The following NUDT3 variants were observed in gnomAD, a reference collection of about 807,000 sequenced individuals.
NUDT3 encodes the protein nudix hydrolase 3.
In NUDT3, 9 loss-of-function variants were observed where a neutral mutation model predicts 23.6. The observed-to-expected ratio is 0.38, with a 90% confidence interval of 0.23 to 0.66. NUDT3 has a LOEUF of 0.66. NUDT3 is among the 30% of genes least tolerant of loss of function. The probability of loss-of-function intolerance (pLI) is 0.52; values close to 1 mark genes in which losing one functional copy is unlikely to be tolerated. For synonymous variants in NUDT3, 86 were observed against 82.6 expected, an observed-to-expected ratio of 1.04 and a Z score of -0.22; for missense variants, 172 against 218.5, an observed-to-expected ratio of 0.79 and a Z score of 1.34.
At chr6:34,306,748 G>A (rs191354887) in intron 2 of NUDT3, among the ~76,000 whole-genome samples, 2 of 152,246 alleles carry the variant, frequency 1.3e-5, no homozygotes, top group Admixed American at 6.5e-5. Context: ...ATTTGTCAAT[G>A]GGTACCATTC....
chr6:34,369,611 T>C (rs1764796413), intron 1 of NUDT3, among the ~76,000 whole-genome samples: 1 of 152,194 alleles, frequency 6.6e-6, no homozygotes, highest in East Asian at 1.9e-4. Context: ...GATGTGACAG[T>C]GTGTGACTTA....
intron 2 of NUDT3, among the ~76,000 whole-genome samples, chr6:34,304,273 A>C (rs892002178): frequency 2.0e-5 from 3 of 149,048 alleles, no homozygotes; most frequent in African/African-American, 7.4e-5. Context: ...AAAAAAAAAG[A>C]AAGTTTGCTA....
chr6:34,293,072 T>C (rs1763447649), intron 4 of NUDT3, among the ~76,000 whole-genome samples: 1 of 152,186 alleles, frequency 6.6e-6, no homozygotes, highest in South Asian at 2.1e-4. Context: ...TGTTTTTTTG[T>C]TTGTTTTTGA....
intron 2 of NUDT3, among the ~76,000 whole-genome samples, chr6:34,323,753 G>A (rs143012922): frequency 1.2e-3 from 182 of 152,218 alleles, no homozygotes; most frequent in African/African-American, 4.1e-3. Context: ...AAGATAAAGC[G>A]AGTACGCAAA....
intron 2 of NUDT3, among the ~76,000 whole-genome samples, chr6:34,309,809 A>G (rs1277775001): frequency 6.6e-6 from 1 of 152,214 alleles, no homozygotes; most frequent in Non-Finnish European, 1.5e-5. Context: ...GAAAACTATG[A>G]ACAACCCTGT....
intron 4 of NUDT3, among the ~76,000 whole-genome samples, chr6:34,290,783 T>C (rs566928054): frequency 2.0e-5 from 3 of 148,848 alleles, no homozygotes; most frequent in Admixed American, 6.8e-5. Flanking sequence ...TGGACATCAA[T>C]TGTCTGTGAT....
At chr6:34,361,513 C>T (rs1764650076) in intron 1 of NUDT3, among the ~76,000 whole-genome samples, 2 of 152,180 alleles carry the variant, frequency 1.3e-5, no homozygotes, top group African/African-American at 4.8e-5. Context: ...ATAACACAAT[C>T]ATACTTCTTG....
At chr6:34,295,547 A>AT in intron 3 of NUDT3, 94 bp downstream of exon 3, 2 of 1,459,532 alleles carry the variant, frequency 1.4e-6, no homozygotes, top group Non-Finnish European at 1.9e-6. Flanking sequence ...AAAAAAAAAA[A>AT]AACTCGCTGA....
At chr6:34,326,789 C>A (rs1452286796) in intron 2 of NUDT3, among the ~76,000 whole-genome samples, 3 of 152,042 alleles carry the variant, frequency 2.0e-5, no homozygotes, top group South Asian at 4.1e-4. Context: ...TTAGTAGAGA[C>A]AGGGTTTCAC....
intron 1 of NUDT3, among the ~76,000 whole-genome samples, chr6:34,357,546 T>A (rs1386142427): frequency 6.6e-6 from 1 of 150,970 alleles, no homozygotes; most frequent in East Asian, 1.9e-4. Flanking sequence ...CCTGGGAGGC[T>A]GAGGCTGCAA....
chr6:34,363,822 G>A (rs557806307), intron 1 of NUDT3, among the ~76,000 whole-genome samples: 1 of 151,436 alleles, frequency 6.6e-6, no homozygotes, highest in Non-Finnish European at 1.5e-5. Flanking sequence ...ACCCAGGCTG[G>A]AGTGCAGTAG....
At chr6:34,314,390 TAAAAAAAA>T (rs5875502) in intron 2 of NUDT3, among the ~76,000 whole-genome samples, 2 of 123,970 alleles carry the variant, frequency 1.6e-5, no homozygotes, top group African/African-American at 5.8e-5. Flanking sequence ...CTGTCTCTAC[TAAAAAAAA>T]AAAAAAAAAA....
At chr6:34,310,713 A>T (rs1474201157) in intron 2 of NUDT3, among the ~76,000 whole-genome samples, 1 of 152,242 alleles carries the variant, frequency 6.6e-6, no homozygotes, top group African/African-American at 2.4e-5. Flanking sequence ...CGTTACCCTC[A>T]TACCAAAACA....
chr6:34,304,813 T>C (rs1335621996), intron 2 of NUDT3, among the ~76,000 whole-genome samples: 2 of 150,086 alleles, frequency 1.3e-5, no homozygotes, highest in South Asian at 2.1e-4. Flanking sequence ...GGGTGCACCA[T>C]CATGCCCAGC....
chr6:34,311,026 A>G (rs1039557237), intron 2 of NUDT3, among the ~76,000 whole-genome samples: 4 of 152,046 alleles, frequency 2.6e-5, no homozygotes, highest in Admixed American at 2.6e-4. Flanking sequence ...AACTAGGAAC[A>G]GAGGAAGACT....
chr6:34,313,226 G>A (rs1259753572), intron 2 of NUDT3, among the ~76,000 whole-genome samples: 3 of 152,006 alleles, frequency 2.0e-5, no homozygotes, highest in African/African-American at 4.8e-5. Flanking sequence ...TCTTAAATGC[G>A]TATTACTAAG....
At chr6:34,372,945 G>C (rs1187435099) in intron 1 of NUDT3, among the ~76,000 whole-genome samples, 1 of 149,042 alleles carries the variant, frequency 6.7e-6, no homozygotes, top group Non-Finnish European at 1.5e-5. Flanking sequence ...CACTAAATCT[G>C]ACAGGCTTTA....
chr6:34,384,018 T>TGGGATC (rs980572618), intron 1 of NUDT3, among the ~76,000 whole-genome samples: 4 of 152,174 alleles, frequency 2.6e-5, no homozygotes, highest in African/African-American at 9.7e-5. Flanking sequence ...CAAACCACCT[T>TGGGATC]GGGATCTGCT....
At chr6:34,300,047 C>T (rs781717975) in intron 2 of NUDT3, among the ~76,000 whole-genome samples, 124 of 152,124 alleles carry the variant, frequency 8.2e-4, no homozygotes, top group Non-Finnish European at 1.5e-3. Flanking sequence ...CCTGCCCGGC[C>T]CTGCTTTTTT....
Sources: allele counts gnomAD v4.1 joint callset (sites outside exome capture counted in the v4.1 genomes callset), GRCh38; gene constraint gnomAD v4.1.1; transcripts MANE v1.5; gene names NCBI Gene and HGNC (gene_info 2026-07-23, HGNC 2026-07-21).